Variants in LRTM3 observed in about 807,000 individuals in gnomAD.
LRTM3 encodes leucine rich repeat transmembrane protein 3.
the LRTM3 span, chr13:102,738,555 T>C: frequency 6.4e-7 from 1 of 1,550,756 alleles, no homozygotes; most frequent in Non-Finnish European, 8.7e-7. Flanking sequence ...AAAGCCCTAA[T>C]TTTTTCCATT....
chr13:102,751,342 T>TACAC, the LRTM3 span, among the ~76,000 whole-genome samples: 2,621 of 142,080 alleles, frequency 0.018, 27 homozygotes, highest in African/African-American at 0.027. Context: ...TCTCTCTTTA[T>TACAC]ACACACACAC....
the LRTM3 span, chr13:102,730,038 C>A: frequency 1.4e-5 from 22 of 1,551,506 alleles, no homozygotes. Flanking sequence ...TGAATTTCCG[C>A]AGTATTTGAT....
At chr13:102,755,762 G>GC in the LRTM3 span, among the ~76,000 whole-genome samples, 11 of 142,076 alleles carry the variant, frequency 7.7e-5, no homozygotes, top group Non-Finnish European at 1.2e-4. Context: ...ATGTATCCTG[G>GC]TTTTTTTTTT....
At chr13:102,734,227 C>A in the LRTM3 span, 2 of 1,551,238 alleles carry the variant, frequency 1.3e-6, no homozygotes, top group African/African-American at 1.4e-5. Flanking sequence ...CTTTCTGTGA[C>A]CTATGTGGTT....
At chr13:102,730,972 C>A in the LRTM3 span, 2 of 1,551,406 alleles carry the variant, frequency 1.3e-6, no homozygotes, top group South Asian at 2.4e-5. Flanking sequence ...GAGCACTGGT[C>A]ATTGCATAAG....
At chr13:102,749,247 T>A in the LRTM3 span, 6 of 1,550,822 alleles carry the variant, frequency 3.9e-6, no homozygotes, top group African/African-American at 1.4e-5. Flanking sequence ...AGTTTGCTTT[T>A]ACTGTCTGGT....
the LRTM3 span, chr13:102,742,899 C>T: frequency 1.9e-6 from 3 of 1,550,770 alleles, no homozygotes; most frequent in South Asian, 1.2e-5. Flanking sequence ...TCTGTTGCCT[C>T]ACTCAGTTCT....
the LRTM3 span, chr13:102,750,233 A>G: frequency 3.9e-6 from 6 of 1,551,348 alleles, no homozygotes; most frequent in East Asian, 1.5e-4. Context: ...TGAAGATGGC[A>G]CATGACTTTC....
chr13:102,755,794 A>C, the LRTM3 span, among the ~76,000 whole-genome samples: 1 of 151,612 alleles, frequency 6.6e-6, no homozygotes, highest in Non-Finnish European at 1.5e-5. Flanking sequence ...TTAAAAAATT[A>C]AATGAAATAA....
chr13:102,757,404 CTT>C, the LRTM3 span, among the ~76,000 whole-genome samples: 1 of 152,176 alleles, frequency 6.6e-6, no homozygotes, highest in Non-Finnish European at 1.5e-5. Context: ...AACTGCCACT[CTT>C]ATGTGTAACC....
the LRTM3 span, chr13:102,734,234 G>T: frequency 1.3e-6 from 2 of 1,551,296 alleles, no homozygotes; most frequent in Non-Finnish European, 1.7e-6. Flanking sequence ...TGACCTATGT[G>T]GTTTTCCTTT....
At chr13:102,735,762 G>C in the LRTM3 span, 3 of 1,546,374 alleles carry the variant, frequency 1.9e-6, no homozygotes, top group Non-Finnish European at 2.6e-6. Flanking sequence ...GATGAATCCT[G>C]AATCTTTAGT....
chr13:102,740,067 A>G, the LRTM3 span: 1 of 1,550,178 alleles, frequency 6.5e-7, no homozygotes, highest in Non-Finnish European at 8.7e-7. Context: ...ATGGATGCAG[A>G]AAGAGAATGT....
the LRTM3 span, chr13:102,737,102 G>A: frequency 6.4e-7 from 1 of 1,551,122 alleles, no homozygotes; most frequent in African/African-American, 1.4e-5. Context: ...GATATTGAGT[G>A]TATGTGGAAG....
the LRTM3 span, chr13:102,730,636 T>C: frequency 3.9e-6 from 6 of 1,551,948 alleles, no homozygotes; most frequent in Middle Eastern, 1.7e-4. Flanking sequence ...TGATGAGTGA[T>C]GAGTTTTCAT....
chr13:102,745,593 A>C, the LRTM3 span: 1 of 1,550,988 alleles, frequency 6.4e-7, no homozygotes, highest in Admixed American at 2.0e-5. Context: ...GGATTCACTA[A>C]AGTTTTCATG....
At chr13:102,747,787 C>A in the LRTM3 span, 1 of 1,551,192 alleles carries the variant, frequency 6.4e-7, no homozygotes. Flanking sequence ...ATGGACTATT[C>A]TCCAAAATAG....
the LRTM3 span, chr13:102,739,736 G>A: frequency 1.3e-6 from 2 of 1,548,908 alleles, no homozygotes; most frequent in South Asian, 2.4e-5. Context: ...GTGTTGTTTT[G>A]TACTTTTAAC....
At chr13:102,746,902 A>G in the LRTM3 span, 1 of 1,551,130 alleles carries the variant, frequency 6.4e-7, no homozygotes, top group Non-Finnish European at 8.7e-7. Context: ...TTTTTTGAGT[A>G]CTCTTCACAT....
Sources: gnomAD v4.1 joint callset for allele counts (sites outside exome capture counted in the v4.1 genomes callset) on GRCh38, gnomAD v4.1.1 for gene constraint, MANE v1.5 for transcripts, NCBI Gene and HGNC (gene_info 2026-07-23, HGNC 2026-07-21) for gene names.